The following SGTB variants were observed in gnomAD, a reference collection of about 807,000 sequenced individuals.
SGTB encodes small glutamine-rich tetratricopeptide repeat-containing protein beta.
In SGTB, 19 loss-of-function variants were observed where a neutral mutation model predicts 43.9. The ratio of observed to expected loss-of-function variants is 0.43; its 90% CI spans 0.30 to 0.63. The LOEUF (loss-of-function observed/expected upper bound fraction) is 0.63, where lower values mean the gene tolerates loss of function less well. Among genes scored for constraint, SGTB ranks in the 30% least tolerant of loss-of-function variants. The probability of loss-of-function intolerance (pLI) is 0.12; values close to 1 mark genes in which losing one functional copy is unlikely to be tolerated. For missense variants in SGTB, 304 were observed against 358.9 expected (o/e 0.85, Z 1.24); for synonymous variants, 116 against 117.3 (o/e 0.99, Z 0.07).
At chr5:65,710,337 C>T (rs1758021063) in intron 3 of SGTB, among the ~76,000 whole-genome samples, 2 of 152,254 alleles carry the variant, frequency 1.3e-5, no homozygotes, top group Non-Finnish European at 2.9e-5. Flanking sequence ...ATTATAATCT[C>T]TTCTGTCTTC....
At chr5:65,670,519 C>T (rs1203151308) in intron 10 of SGTB, among the ~76,000 whole-genome samples, 162 bp from the exon 11 acceptor site, 1 of 152,140 alleles carries the variant, frequency 6.6e-6, no homozygotes, top group Non-Finnish European at 1.5e-5. Flanking sequence ...ACCAATGCCT[C>T]CATATAGCAT....
intron 3 of SGTB, 29 bp from the exon 4 acceptor site, chr5:65,708,587 C>G (rs1291424941): frequency 6.4e-7 from 1 of 1,567,014 alleles, no homozygotes; most frequent in Non-Finnish European, 8.8e-7. Flanking sequence ...CAATGCACTT[C>G]CCTTTAGCTA....
chr5:65,693,319 G>A lies in SGTB; in HGVS notation c.375-7847C>T, dbSNP rs118035323. On this transcript the variant is annotated intron_variant, in intron 5 of 10. Transcript: ENST00000381007. ...GAAGGGATGAATCAAGAAGGAAAGA[G>A]AGAAAGAAAGAGGAGAAGGGAGGGA... Among the ~76,000 whole-genome samples, 171 of 145,292 alleles carry A rather than the reference G, an allele frequency of 1.2e-3. 2 individuals are homozygous for A. The East Asian group carries it at 0.023, about 19-fold the overall frequency.
At chr5:65,680,935 C>T (rs539620666) in intron 6 of SGTB, 141 bp from the exon 7 acceptor site, 8 of 913,888 alleles carry the variant, frequency 8.8e-6, no homozygotes, top group Middle Eastern at 3.5e-4. Context: ...CTATGGCTCA[C>T]GGGAGCAAAA....
chr5:65,676,618 C>T (rs1034833204), intron 8 of SGTB, among the ~76,000 whole-genome samples: 1 of 152,164 alleles, frequency 6.6e-6, no homozygotes, highest in African/African-American at 2.4e-5. Context: ...CCAAAAACAA[C>T]AGAATATACG....
rs553101390 is a variant in SGTB, at chr5:65,720,166, C to A, written c.100+542G>T. Reference sequence around the variant, plus strand: ...GTGTGATCTCAGCTCACTGCAACCTCCACCTCCTGGGTTTAAGCCACCCTC... The same window carrying A: ...GTGTGATCTCAGCTCACTGCAACCTACACCTCCTGGGTTTAAGCCACCCTC... On this transcript the variant is annotated intron_variant, in intron 2 of 10. Coordinates refer to ENST00000381007, the MANE Select transcript of SGTB (RefSeq NM_019072.3). Among the ~76,000 whole-genome samples the A allele has an allele frequency of 2.2e-3, 335 of 151,204 alleles. 3 individuals are homozygous for A. Among genetic ancestry groups the A allele is most frequent in the African/African-American group, 7.4e-3 (304 of 41,102 alleles).
At chr5:65,681,900 A>C (rs1364063611) in intron 6 of SGTB, among the ~76,000 whole-genome samples, 1 of 151,924 alleles carries the variant, frequency 6.6e-6, no homozygotes, top group Non-Finnish European at 1.5e-5. Context: ...GCTTGAATCC[A>C]GGAGGCGGAG....
chr5:65,706,832 A>G (rs760402874), intron 4 of SGTB, among the ~76,000 whole-genome samples: 14 of 152,132 alleles, frequency 9.2e-5, no homozygotes, highest in Non-Finnish European at 1.8e-4. Flanking sequence ...ACTCCATCTC[A>G]AAAAAGGAAC....
intron 2 of SGTB, among the ~76,000 whole-genome samples, chr5:65,713,934 TG>T (rs1466423197): frequency 3.3e-5 from 5 of 150,744 alleles, no homozygotes; most frequent in South Asian, 4.2e-4. Flanking sequence ...GAGGCTGAGG[TG>T]GGAGGATTGC....
rs1757889637 is a variant in SGTB, at chr5:65,704,325, G to C, written c.328C>G (p.Gln110Glu). The change falls in exon 5 of 11, where the codon CAG becomes GAG. Residue 110 changes from glutamine to glutamate, a missense_variant. Gln to Glu is a conservative substitution (Grantham distance 29). Coordinates refer to ENST00000381007, the MANE Select transcript of SGTB (RefSeq NM_019072.3). ...TTATTGGGATCCAATTCTATTGCCT[G>C]TGTGTAACAATCCACTGCAGCAGCA... is the stretch of plus-strand genomic sequence containing the variant. ...NYAAAVDCYT[Q>E]AIELDPNNAV... 6.2e-7 allele frequency: 1 copy of C among 1,612,708 alleles called. No homozygotes were observed.
chr5:65,676,271 T>TG (rs1372514226), intron 8 of SGTB, among the ~76,000 whole-genome samples: 2 of 151,732 alleles, frequency 1.3e-5, no homozygotes, highest in African/African-American at 2.4e-5. Context: ...GAGCTGAAAT[T>TG]GCGCCACTGT....
intron 5 of SGTB, among the ~76,000 whole-genome samples, chr5:65,699,909 T>C (rs541068322): frequency 1.7e-4 from 26 of 152,324 alleles, no homozygotes; most frequent in African/African-American, 6.3e-4. Flanking sequence ...TAGAATTTGA[T>C]AGGGGCAAAA....
At chr5:65,708,138 A>G (rs1469463409) in intron 4 of SGTB, among the ~76,000 whole-genome samples, 4 of 152,266 alleles carry the variant, frequency 2.6e-5, no homozygotes, top group Non-Finnish European at 4.4e-5. Context: ...CACTAAACAT[A>G]TGAAAGATAA....
chr5:65,670,525 A>G (rs1235409594), intron 10 of SGTB, among the ~76,000 whole-genome samples, 168 bp from the exon 11 acceptor site: 1 of 152,216 alleles, frequency 6.6e-6, no homozygotes, highest in Non-Finnish European at 1.5e-5. Context: ...GCCTCCATAT[A>G]GCATTATTAC....
chr5:65,681,546 C>T (rs972060835), intron 6 of SGTB, among the ~76,000 whole-genome samples: 1 of 151,990 alleles, frequency 6.6e-6, no homozygotes, highest in African/African-American at 2.4e-5. Context: ...TTATCGGAAC[C>T]TAATTCATTT....
At chr5:65,708,420 A>G (rs1757978960) in intron 4 of SGTB, 69 bp downstream of exon 4, 1 of 1,333,090 alleles carries the variant, frequency 7.5e-7, no homozygotes, top group Non-Finnish European at 1.1e-6. Context: ...GAACTATATC[A>G]ATTGACAGTA....
At chr5:65,705,352 C>G (rs1284174977) in intron 4 of SGTB, among the ~76,000 whole-genome samples, 2 of 151,988 alleles carry the variant, frequency 1.3e-5, no homozygotes, top group African/African-American at 4.8e-5. Context: ...TACTTGGAGG[C>G]TGAAGCAGGA....
chr5:65,716,542 A>G (rs1435650718), intron 2 of SGTB, among the ~76,000 whole-genome samples: 1 of 152,214 alleles, frequency 6.6e-6, no homozygotes, highest in East Asian at 1.9e-4. Flanking sequence ...AGCCAACAGG[A>G]TTTATTGAAT....
chr5:65,722,534 C>A, upstream of SGTB: 2 of 923,180 alleles, frequency 2.2e-6, no homozygotes, highest in Non-Finnish European at 3.2e-6. Context: ...CCGGGACGCA[C>A]CCTCCCCGCG....
Sources: allele counts gnomAD v4.1 joint callset (sites outside exome capture counted in the v4.1 genomes callset), GRCh38; gene constraint gnomAD v4.1.1; transcripts MANE v1.5; gene names NCBI Gene and HGNC (gene_info 2026-07-23, HGNC 2026-07-21).